Variants in OR4C12 observed in about 807,000 individuals in gnomAD.
The protein encoded by OR4C12 is olfactory receptor family 4 subfamily C member 12.
OR4C12 carries 11 observed loss-of-function variants against 12.3 expected under a neutral mutation model. The ratio of observed to expected loss-of-function variants is 0.89; its 90% CI spans 0.56 to 1.48. OR4C12 has a LOEUF of 1.48. Among genes scored for constraint, OR4C12 ranks in the 40% most tolerant of loss-of-function variants. OR4C12 has a pLI of 0.00. For missense variants in OR4C12, 414 were observed against 365.8 expected, an observed-to-expected ratio of 1.13 and a Z score of -1.08; for synonymous variants, 138 against 133.2, an observed-to-expected ratio of 1.04 and a Z score of -0.25.
In OR4C12 at chr11:49,982,508, A is replaced by C. The variant is rs1206486183; in HGVS notation, c.-7T>G. On this transcript the variant is annotated 5_prime_UTR_variant, in exon 1 of 1. Coordinates refer to ENST00000335238, the MANE Select transcript of OR4C12 (RefSeq NM_001005270.4). ...CATTCTTTTTCTTCTCCATCTATGTAGTGTGGGTGATAAAACCTCCAGGAA... is the reference window on the plus strand; with the variant it reads ...CATTCTTTTTCTTCTCCATCTATGTCGTGTGGGTGATAAAACCTCCAGGAA... 5 of 1,512,662 alleles carry C rather than the reference A, an allele frequency of 3.3e-6. No individual in the cohort carries two copies. In the African/African-American group the frequency reaches 4.2e-5, roughly 13 times the overall value. 93.7% of individuals were successfully genotyped at this position (1,512,662 alleles called of 1,614,324 possible). A position where few individuals can be genotyped will look rare whatever the true frequency, so the allele number is the denominator to read the frequency against.
At position 49,982,399 on chromosome 11, in the gene OR4C12, T is replaced by G. The variant is rs1349408934; in HGVS notation, c.103A>C (p.Ile35Leu). ...ATGAGCAGGTTGCCTGAAAGTGTTA[T>G]CATGTAAAGAACCAAAAATACTACA... ...TFVVFLVLYMITLSGNLLIVV... is the reference protein window; with the variant it reads ...TFVVFLVLYMLTLSGNLLIVV... The change falls in exon 1 of 1, where the codon ATA (isoleucine) becomes CTA (leucine). Residue 35 changes from isoleucine to leucine, a missense_variant. Ile to Leu is a conservative substitution (Grantham distance 5). Coordinates refer to ENST00000335238, the MANE Select transcript of OR4C12 (RefSeq NM_001005270.4). 1 of 1,613,738 alleles carries G rather than the reference T, an allele frequency of 6.2e-7. No individual in the cohort carries two copies. The highest frequency in any genetic ancestry group is 8.5e-7 in the Non-Finnish European group (1 of 1,179,798).
rs782530690 is a variant in OR4C12, at chr11:49,982,235, G to T, written c.267C>A (p.Ile89=). 8.7e-6 allele frequency: 14 copies of T among 1,613,964 alleles called. No individual in the cohort carries two copies. In the East Asian group the frequency reaches 3.1e-4, roughly 36 times the overall value. The stretch of plus-strand genomic sequence containing the variant: ...GAGCCATACACCCATTAAAGGAGAT[G>T]ATTTTCTTCTCTTGAAAGGAATCCA... The part of the protein sequence containing the change: ...LIVDSFQEKK[I]ISFNGCMAQA... Residue 89 remains isoleucine, a synonymous_variant, in exon 1 of 1, where the codon ATC becomes ATA. Transcript: ENST00000335238.
Position 49,982,055 on chromosome 11 carries a change from T to C in OR4C12, c.447A>G (p.Gly149=). Residue 149 remains glycine, a synonymous_variant, in exon 1 of 1, where the codon GGA becomes GGG. Transcript: ENST00000335238. ...CILLVAVAWV[G]GFLHATIQIL... ...TCTGAATAGTTGCATGAAGAAATCC[T>C]CCCACCCAGGCCACTGCCACCAGGA... The C allele has an allele frequency of 6.2e-7, 1 of 1,614,150 alleles. No homozygotes were observed. Among genetic ancestry groups the C allele is most frequent in the South Asian group, 1.1e-5 (1 of 91,084 alleles).
Position 49,981,957 on chromosome 11 carries a change from A to G in OR4C12, c.545T>C (p.Leu182Ser). 1 of 1,614,196 alleles carries G rather than the reference A, an allele frequency of 6.2e-7. No homozygotes were observed. Among genetic ancestry groups the G allele is most frequent in the Non-Finnish European group, 8.5e-7 (1 of 1,180,012 alleles). ...AGTGTCTATGCAAACAAGTTTTAAC[A>G]ATGGGTACAAGTCACACATGAAGTG... ...IGHFMCDLYP[L>S]LKLVCIDTHT... is the part of the protein sequence containing the mutation. The change falls in exon 1 of 1, where the codon TTG (leucine) becomes TCG (serine). Residue 182 changes from leucine to serine, a missense_variant. Leu to Ser is a moderately radical substitution (Grantham distance 145). Transcript: ENST00000335238.
chr11:49,981,643 G>C lies in OR4C12; in HGVS notation c.859C>G (p.Leu287Val). 1 of 1,613,636 alleles carries C rather than the reference G, an allele frequency of 6.2e-7. No individual in the cohort carries two copies. Among genetic ancestry groups the C allele is most frequent in the Non-Finnish European group, 8.5e-7 (1 of 1,179,782 alleles). ...GCACTTTTTACCTCAGCATTTCTGA[G>C]TGTGTAGACCACGGGATTTAACATT... ...VPMLNPVVYT[L>V]RNAEVKSAIR... is the part of the protein sequence containing the mutation. The change falls in exon 1 of 1, where the codon CTC becomes GTC. Residue 287 changes from leucine (L) to valine (V), a missense_variant. By Grantham distance (32) the Leu-to-Val change is conservative (BLOSUM62 1). Coordinates refer to ENST00000335238, the MANE Select transcript of OR4C12 (RefSeq NM_001005270.4).
In OR4C12 at chr11:49,981,777, A is replaced by T. The variant is rs781828030; in HGVS notation, c.725T>A (p.Ile242Asn). The stretch of plus-strand genomic sequence containing the variant: ...CACAAAGAATAAGACAACTACTATG[A>T]TGTGAGAAATACAGGTGGAGAGGGC... ...CKALSTCISH[I>N]IVVVLFFVPC... Residue 242 changes from isoleucine to asparagine, a missense_variant, in exon 1 of 1, where the codon ATC (isoleucine) becomes AAC (asparagine). Transcript: ENST00000335238. 12 of 1,613,908 alleles carry T rather than the reference A, an allele frequency of 7.4e-6. No homozygotes were observed. The highest frequency in any genetic ancestry group is 4.5e-5 in the East Asian group (2 of 44,874).
chr11:49,981,826 T>A lies in OR4C12; in HGVS notation c.676A>T (p.Asn226Tyr), dbSNP rs782273316. 31 of 1,613,660 alleles carry A rather than the reference T, an allele frequency of 1.9e-5. No homozygotes were observed. The African/African-American group carries it at 3.9e-4, about 20-fold the overall frequency. ...YVIILRSLKN[N>Y]SLEGRCKALS... Reference sequence around the variant, plus strand: ...GCTTTACACCTCCCCTCCAAGCTATTGTTCTTTAAAGATCTCAAGATGATC... The same window carrying A: ...GCTTTACACCTCCCCTCCAAGCTATAGTTCTTTAAAGATCTCAAGATGATC... Residue 226 changes from asparagine to tyrosine, a missense_variant, in exon 1 of 1, where the codon AAT becomes TAT. By Grantham distance (143) the Asn-to-Tyr change is moderately radical. Coordinates refer to ENST00000335238, the MANE Select transcript of OR4C12 (RefSeq NM_001005270.4).
Position 49,982,399 on chromosome 11 carries a change from T to C in OR4C12, c.103A>G (p.Ile35Val). ...ATGAGCAGGTTGCCTGAAAGTGTTATCATGTAAAGAACCAAAAATACTACA... is the reference window on the plus strand; with the variant it reads ...ATGAGCAGGTTGCCTGAAAGTGTTACCATGTAAAGAACCAAAAATACTACA... Reference protein sequence around the residue: ...TFVVFLVLYMITLSGNLLIVV... With the variant: ...TFVVFLVLYMVTLSGNLLIVV... Residue 35 changes from isoleucine (I) to valine (V), a missense_variant, in exon 1 of 1, where the codon ATA becomes GTA. Physicochemically the swap from Ile to Val is conservative, Grantham distance 29. Coordinates refer to ENST00000335238, the MANE Select transcript of OR4C12 (RefSeq NM_001005270.4). The C allele has an allele frequency of 6.2e-7, 1 of 1,613,856 alleles. No homozygotes were observed. Among genetic ancestry groups the C allele is most frequent in the Non-Finnish European group, 8.5e-7 (1 of 1,179,790 alleles).
In OR4C12 at chr11:49,981,901, T is replaced by C; in HGVS notation, c.601A>G (p.Ser201Gly). 1 of 1,613,548 alleles carries C rather than the reference T, an allele frequency of 6.2e-7. No individual in the cohort carries two copies. Among genetic ancestry groups the C allele is most frequent in the African/African-American group, 1.3e-5 (1 of 74,868 alleles). ...HTLGLFVAVN[S>G]GFICLLNFLI... ...AAGTTTAATAAGCAGATAAACCCAC[T>C]GTTCACAGCAACAAAGAGACCAAGG... The change falls in exon 1 of 1, where the codon AGT becomes GGT. Residue 201 changes from serine (S) to glycine (G), a missense_variant. Ser to Gly is a moderately conservative substitution (Grantham distance 56). Coordinates refer to ENST00000335238, the MANE Select transcript of OR4C12 (RefSeq NM_001005270.4).
Position 49,982,257 on chromosome 11 carries a change from T to A in OR4C12, c.245A>T (p.Asp82Val). 1 of 1,614,078 alleles carries A rather than the reference T, an allele frequency of 6.2e-7. No homozygotes were observed. Among genetic ancestry groups the A allele is most frequent in the Non-Finnish European group, 8.5e-7 (1 of 1,179,952 alleles). ...GATGATTTTCTTCTCTTGAAAGGAA[T>A]CCACAATCAACTTAGGAGCTGAAGA... ...SSSSAPKLIV[D>V]SFQEKKIISF... The change falls in exon 1 of 1, where the codon GAT becomes GTT. Residue 82 changes from aspartate (D) to valine (V), a missense_variant. Asp to Val is a radical substitution (Grantham distance 152, BLOSUM62 -3). Coordinates refer to ENST00000335238, the MANE Select transcript of OR4C12 (RefSeq NM_001005270.4).
rs1555020259 is a variant in OR4C12, at chr11:49,982,161, G to A, written c.341C>T (p.Thr114Ile). 1.2e-6 allele frequency: 2 copies of A among 1,613,914 alleles called. No individual in the cohort carries two copies. The highest frequency in any genetic ancestry group is 2.2e-5 in the East Asian group (1 of 44,894). ...CACATAGCAGTCACAGGCCATCACT[G>A]TCAGCAGGATGATCTCAGTAGCACC... ...IFGATEIILLTVMACDCYVAI... is the reference protein window; with the variant it reads ...IFGATEIILLIVMACDCYVAI... Residue 114 changes from threonine (T) to isoleucine (I), a missense_variant, in exon 1 of 1, where the codon ACA (threonine) becomes ATA (isoleucine). Thr to Ile is a moderately conservative substitution (Grantham distance 89). Coordinates refer to ENST00000335238, the MANE Select transcript of OR4C12 (RefSeq NM_001005270.4).
In OR4C12 at chr11:49,982,044, T is replaced by C; in HGVS notation, c.458A>G (p.His153Arg). The C allele has an allele frequency of 6.2e-7, 1 of 1,614,158 alleles. No individual in the cohort carries two copies. Among genetic ancestry groups the C allele is most frequent in the East Asian group, 2.2e-5 (1 of 44,874 alleles). ...TGTAAAGAGAATCTGAATAGTTGCA[T>C]GAAGAAATCCTCCCACCCAGGCCAC... ...VAVAWVGGFL[H>R]ATIQILFTVW... The change falls in exon 1 of 1, where the codon CAT becomes CGT. Residue 153 changes from histidine (H) to arginine (R), a missense_variant. Physicochemically the swap from His to Arg is conservative, Grantham distance 29. Transcript: ENST00000335238.
In OR4C12 at chr11:49,982,374, A is replaced by G. The variant is rs368749014; in HGVS notation, c.128T>C (p.Ile43Thr). 7.4e-6 allele frequency: 12 copies of G among 1,613,900 alleles called. No homozygotes were observed. Among genetic ancestry groups the G allele is most frequent in the Middle Eastern group, 1.6e-4 (1 of 6,084 alleles). ...CTGGCTGGTGGTAATGGTAACCACA[A>G]TGAGCAGGTTGCCTGAAAGTGTTAT... Reference protein sequence around the residue: ...YMITLSGNLLIVVTITTSQAL... With the variant: ...YMITLSGNLLTVVTITTSQAL... Residue 43 changes from isoleucine (I) to threonine (T), a missense_variant, in exon 1 of 1, where the codon ATT becomes ACT. Transcript: ENST00000335238.
chr11:49,981,563 T>A lies in OR4C12; in HGVS notation c.*9A>T, dbSNP rs374702033. The A allele has an allele frequency of 3.9e-6, 6 of 1,523,246 alleles. No homozygotes were observed. The highest frequency in any genetic ancestry group is 5.4e-6 in the Non-Finnish European group (6 of 1,101,810). 94.4% of individuals were successfully genotyped at this position (1,523,246 alleles called of 1,614,324 possible). A position where few individuals can be genotyped will look rare whatever the true frequency, so the allele number is the denominator to read the frequency against. Reference sequence around the variant, plus strand: ...TATTACCTCTATGTTGAGTGCTCAATGGTCTTATTTAATCATTATCTGAAG... The same window carrying A: ...TATTACCTCTATGTTGAGTGCTCAAAGGTCTTATTTAATCATTATCTGAAG... On this transcript the variant is annotated 3_prime_UTR_variant, in exon 1 of 1. Coordinates refer to ENST00000335238, the MANE Select transcript of OR4C12 (RefSeq NM_001005270.4).
rs781813905 is a variant in OR4C12 at position 49,982,036 on chromosome 11, T to G, written c.466A>C (p.Ile156Leu). 5 of 1,614,130 alleles carry G rather than the reference T, an allele frequency of 3.1e-6. No individual in the cohort carries two copies. In the South Asian group the frequency reaches 4.4e-5, roughly 14 times the overall value. The change falls in exon 1 of 1, where the codon ATT becomes CTT. Residue 156 changes from isoleucine (I) to leucine (L), a missense_variant. Transcript: ENST00000335238. Reference sequence around the variant, plus strand: ...AGCCATACTGTAAAGAGAATCTGAATAGTTGCATGAAGAAATCCTCCCACC... The same window carrying G: ...AGCCATACTGTAAAGAGAATCTGAAGAGTTGCATGAAGAAATCCTCCCACC... ...AWVGGFLHAT[I>L]QILFTVWLPF... is the part of the protein sequence containing the mutation.
In OR4C12 at chr11:49,982,408, G is replaced by T; in HGVS notation, c.94C>A (p.Leu32Ile). ...EKVTFVVFLV[L>I]YMITLSGNLL... ...TTGCCTGAAAGTGTTATCATGTAAA[G>T]AACCAAAAATACTACAAACGTGACT... The change falls in exon 1 of 1, where the codon CTT becomes ATT. Residue 32 changes from leucine to isoleucine, a missense_variant. By Grantham distance (5) the Leu-to-Ile change is conservative. Coordinates refer to ENST00000335238, the MANE Select transcript of OR4C12 (RefSeq NM_001005270.4). The T allele has an allele frequency of 6.2e-7, 1 of 1,613,712 alleles. No individual in the cohort carries two copies. The highest frequency in any genetic ancestry group is 8.5e-7 in the Non-Finnish European group (1 of 1,179,670).
chr11:49,982,503 T>C lies in OR4C12; in HGVS notation c.-2A>G. ...AGTCACATTCTTTTTCTTCTCCATC[T>C]ATGTAGTGTGGGTGATAAAACCTCC... On this transcript the variant is annotated 5_prime_UTR_variant, in exon 1 of 1. The change creates a new upstream start codon in the 5' untranslated region. Transcript: ENST00000335238. The C allele has an allele frequency of 6.4e-7, 1 of 1,555,562 alleles. No homozygotes were observed. The highest frequency in any genetic ancestry group is 1.4e-5 in the African/African-American group (1 of 73,402).
rs1302445828 is a variant in OR4C12, at chr11:49,982,287, G to T, written c.215C>A (p.Ser72Tyr). 7 of 1,613,726 alleles carry T rather than the reference G, an allele frequency of 4.3e-6. No homozygotes were observed. The East Asian group carries it at 6.7e-5, about 15-fold the overall frequency. Residue 72 changes from serine (S) to tyrosine (Y), a missense_variant, in exon 1 of 1, where the codon TCT becomes TAT. By Grantham distance (144) the Ser-to-Tyr change is moderately radical (BLOSUM62 -2). Transcript: ENST00000335238. The stretch of plus-strand genomic sequence containing the variant: ...AATCAACTTAGGAGCTGAAGAAGAA[G>T]AATAAACTGTGTCTATCAAAGAAAG... ...THLSLIDTVY[S>Y]SSSAPKLIVD... is the part of the protein sequence containing the mutation.
chr11:49,981,482 G>T lies in OR4C12; in HGVS notation c.*90C>A. 2 of 746,996 alleles carry T rather than the reference G, an allele frequency of 2.7e-6. No homozygotes were observed. The highest frequency in any genetic ancestry group is 1.7e-5 in the African/African-American group (1 of 57,498). The allele number at this position is 746,996 out of a possible 1,614,324, so 46.3% of individuals were successfully genotyped here. On this transcript the variant is annotated 3_prime_UTR_variant, in exon 1 of 1. Transcript: ENST00000335238. ...CTTTACTGACTATCTGCAAGCATTA[G>T]CCAGCCCCTTGTTAGAGTTGACATA...
Sources: gnomAD v4.1 joint callset for allele counts on GRCh38, gnomAD v4.1.1 for gene constraint, MANE v1.5 for transcripts, NCBI Gene and HGNC (gene_info 2026-07-23, HGNC 2026-07-21) for gene names.